IMPDH2: variants seen among roughly 807,000 people sequenced by gnomAD.
The protein encoded by IMPDH2 is inosine-5'-monophosphate dehydrogenase 2.
Under a neutral mutation model 57.8 loss-of-function variants are expected in IMPDH2, and 33 were observed. That is an observed-to-expected ratio of 0.57 (90% confidence interval 0.43 to 0.76). The LOEUF (loss-of-function observed/expected upper bound fraction) is 0.76, where lower values mean the gene tolerates loss of function less well. Among genes scored for constraint, IMPDH2 ranks in the 30% least tolerant of loss-of-function variants. IMPDH2 has a pLI of 0.00. For missense variants in IMPDH2, 446 were observed against 659.1 expected (o/e 0.68, Z 3.54); for synonymous variants, 270 against 241.3 (o/e 1.12, Z -1.10).
chr3:49,029,054 T>G (rs2093212815), intron 1 of IMPDH2, 199 bp downstream of exon 1: 3 of 644,326 alleles, frequency 4.7e-6, no homozygotes, highest in Non-Finnish European at 5.6e-6. Context: ...CGGCCTGAGA[T>G]TCCAAGCACT....
chr3:49,026,116 A>C, intron 9 of IMPDH2: 1 of 678,090 alleles, frequency 1.5e-6, no homozygotes, highest in Non-Finnish European at 2.7e-6. Context: ...GAGCAGGAGC[A>C]AGAAGGCCAG....
At chr3:49,028,080 C>T (rs1448325724) in intron 4 of IMPDH2, 164 bp from the exon 5 acceptor site, 1 of 780,322 alleles carries the variant, frequency 1.3e-6, no homozygotes. Context: ...GCACTGTACA[C>T]CTGGTCTATT....
rs2093190335 is a variant in IMPDH2, at chr3:49,024,786, T to C, written c.1312A>G (p.Lys438Glu). The C allele has an allele frequency of 2.5e-6, 4 of 1,614,152 alleles. No individual in the cohort carries two copies. Among genetic ancestry groups the C allele is most frequent in the Non-Finnish European group, 3.4e-6 (4 of 1,180,022 alleles). Residue 438 changes from lysine (K) to glutamate (E), a missense_variant, in exon 12 of 14, where the codon AAA (lysine) becomes GAA (glutamate). Lys to Glu is a moderately conservative substitution (Grantham distance 56, BLOSUM62 1). Transcript: ENST00000326739. The part of the protein sequence containing the change: ...NRYFSEADKI[K>E]VAQGVSGAVQ... ...GCACCAGACACTCCCTGGGCCACTTTGATTTTGTCAGCTTCACTGCAGGGA... is the reference window on the plus strand; with the variant it reads ...GCACCAGACACTCCCTGGGCCACTTCGATTTTGTCAGCTTCACTGCAGGGA...
Position 49,029,387 on chromosome 3 carries a change from C to G in IMPDH2, c.-37G>C. 1 of 1,424,388 alleles carries G rather than the reference C, an allele frequency of 7.0e-7. No homozygotes were observed. The highest frequency in any genetic ancestry group is 1.7e-4 in the Middle Eastern group (1 of 5,736). The allele number at this position is 1,424,388 out of a possible 1,614,324, so 88.2% of individuals were successfully genotyped here. A position where few individuals can be genotyped will look rare whatever the true frequency, so the allele number is the denominator to read the frequency against. On this transcript the variant is annotated 5_prime_UTR_variant, in exon 1 of 14. Coordinates refer to ENST00000326739, the MANE Select transcript of IMPDH2 (RefSeq NM_000884.3). Reference sequence around the variant, plus strand: ...GACACCGCCGCGTGTCTCCGAGGACCGCGCCGCAGAGACCTCTGCCGTCTG... The same window carrying G: ...GACACCGCCGCGTGTCTCCGAGGACGGCGCCGCAGAGACCTCTGCCGTCTG...
chr3:49,029,119 C>A (rs2093213401), intron 1 of IMPDH2, 134 bp downstream of exon 1: 4 of 738,958 alleles, frequency 5.4e-6, no homozygotes, highest in Non-Finnish European at 9.5e-6. Flanking sequence ...AAAGTGAGCC[C>A]CGGAGGTGGG....
At chr3:49,024,830 A>G in intron 11 of IMPDH2, 28 bp from the exon 12 acceptor site, 2 of 1,614,104 alleles carry the variant, frequency 1.2e-6, no homozygotes, top group Non-Finnish European at 1.7e-6. Flanking sequence ...GACACGGGCA[A>G]GGTCACAGCA....
At chr3:49,026,151 T>C in intron 9 of IMPDH2, 173 bp downstream of exon 9, 1 of 693,632 alleles carries the variant, frequency 1.4e-6, no homozygotes, top group Admixed American at 2.0e-5. Context: ...TGGCAGGTGA[T>C]GGATGACAAG....
intron 9 of IMPDH2, among the ~76,000 whole-genome samples, chr3:49,025,748 C>T (rs2093195770): frequency 6.6e-6 from 1 of 152,196 alleles, no homozygotes; most frequent in Non-Finnish European, 1.5e-5. Flanking sequence ...GAGTTGGTCC[C>T]TGAACTATGC....
rs756784308 is a variant in IMPDH2, at chr3:49,027,726, T to A, written c.515A>T (p.Asp172Val). The change falls in exon 5 of 14, where the codon GAC becomes GTC. Residue 172 changes from aspartate to valine, a missense_variant. Transcript: ENST00000326739. ...GGCACCCACCTCTTCCAAGAAACAG[T>A]CATGTTCCTCCTCTTTGAGAAAATC... ...DIDFLKEEEH[D>V]CFLEEIMTKR... The A allele has an allele frequency of 6.2e-7, 1 of 1,614,104 alleles. No individual in the cohort carries two copies.
chr3:49,026,965 T>C lies in IMPDH2; in HGVS notation c.614A>G (p.Lys205Arg), dbSNP rs140737786. ...KEANEILQRS[K>R]KGKLPIVNED... Reference sequence around the variant, plus strand: ...TTCCCAGCTCTAGGACTTACCCTTCTTGCTGCGCTGCAGAATTTCATTTGC... The same window carrying C: ...TTCCCAGCTCTAGGACTTACCCTTCCTGCTGCGCTGCAGAATTTCATTTGC... Residue 205 changes from lysine to arginine, a missense_variant, in exon 6 of 14, where the codon AAG (lysine) becomes AGG (arginine). By Grantham distance (26) the Lys-to-Arg change is conservative. Transcript: ENST00000326739. 3.5e-4 allele frequency: 562 copies of C among 1,613,946 alleles called. No individual in the cohort carries two copies. Among genetic ancestry groups the C allele is most frequent in the Non-Finnish European group, 4.7e-4 (555 of 1,179,874 alleles).
chr3:49,025,290 A>T (rs760262994), intron 9 of IMPDH2, 21 bp from the exon 10 acceptor site: 1 of 1,614,148 alleles, frequency 6.2e-7, no homozygotes, highest in Non-Finnish European at 8.5e-7. Context: ...GGAGGAACAC[A>T]TGGGTGGATA....
chr3:49,025,291 T>C lies in IMPDH2; in HGVS notation c.1007-22A>G, dbSNP rs779476492. 10 of 1,614,018 alleles carry C rather than the reference T, an allele frequency of 6.2e-6. No individual in the cohort carries two copies. The African/African-American group carries it at 6.7e-5, about 11-fold the overall frequency. ...AGCACTGTTGAGATGGAGGAACACATGGGTGGATAGGGTTAATGGGGACGG... is the reference window on the plus strand; with the variant it reads ...AGCACTGTTGAGATGGAGGAACACACGGGTGGATAGGGTTAATGGGGACGG... On this transcript the variant is annotated intron_variant, in intron 9 of 13. Coordinates refer to ENST00000326739, the MANE Select transcript of IMPDH2 (RefSeq NM_000884.3).
rs147247003 is a variant in IMPDH2, at chr3:49,027,571, C to T, written c.531+139G>A. 2,915 of 704,902 alleles carry T rather than the reference C, an allele frequency of 4.1e-3. 28 individuals carry two copies. The highest frequency in any genetic ancestry group is 0.019 in the East Asian group (747 of 39,084). 43.7% of individuals were successfully genotyped at this position (704,902 alleles called of 1,614,324 possible). ...TCTGGTGGGGAAAGGATGCAGGAACCCAATAAAGGAGTCAGAAACTTGGTT... is the reference window on the plus strand; with the variant it reads ...TCTGGTGGGGAAAGGATGCAGGAACTCAATAAAGGAGTCAGAAACTTGGTT... On this transcript the variant is annotated intron_variant, in intron 5 of 13. Transcript: ENST00000326739.
rs769639124 is a variant in IMPDH2 at position 49,025,335 on chromosome 3, A to C, written c.1007-66T>G. The C allele has an allele frequency of 1.5e-4, 233 of 1,579,826 alleles. 1 individual carries two copies. The Middle Eastern group carries it at 4.6e-3, about 31-fold the overall frequency. ...GGGACGGGCAGTGGACCCTGTGGCC[A>C]TATTTAGGACCCAGGAGCTTTTGGC... On this transcript the variant is annotated intron_variant, in intron 9 of 13. Coordinates refer to ENST00000326739, the MANE Select transcript of IMPDH2 (RefSeq NM_000884.3).
intron 1 of IMPDH2, 144 bp downstream of exon 1, chr3:49,029,109 A>C: frequency 1.4e-6 from 1 of 717,880 alleles, no homozygotes; most frequent in Non-Finnish European, 2.5e-6. Flanking sequence ...CAGATGTCTC[A>C]AAGTGAGCCC....
In IMPDH2 at chr3:49,024,754, C is replaced by T. The variant is rs780307369; in HGVS notation, c.1344G>A (p.Gln448=). ...KVAQGVSGAV[Q]DKGSIHKFVP... ...CAAATTTGTGGATTGACCCTTTGTC[C>T]TGCACAGCACCAGACACTCCCTGGG... is the stretch of plus-strand genomic sequence containing the variant. The change falls in exon 12 of 14, where the codon CAG becomes CAA. Residue 448 remains glutamine, a synonymous_variant. Transcript: ENST00000326739. 72 of 1,614,088 alleles carry T rather than the reference C, an allele frequency of 4.5e-5. No homozygotes were observed. Among genetic ancestry groups the T allele is most frequent in the Non-Finnish European group, 6.0e-5 (71 of 1,180,058 alleles).
intron 9 of IMPDH2, 124 bp from the exon 10 acceptor site, chr3:49,025,393 G>A: frequency 3.0e-6 from 3 of 997,094 alleles, no homozygotes; most frequent in Non-Finnish European, 3.1e-6. Flanking sequence ...CTTGGCTGAG[G>A]AACAGACGTG....
rs147436894 is a variant in IMPDH2, at chr3:49,026,417, C to T, written c.913G>A (p.Val305Ile). 1 of 1,613,346 alleles carries T rather than the reference C, an allele frequency of 6.2e-7. No individual in the cohort carries two copies. The highest frequency in any genetic ancestry group is 1.3e-5 in the African/African-American group (1 of 74,920). Residue 305 changes from valine (V) to isoleucine (I), a missense_variant and splice_region_variant, in exon 9 of 14, where the codon GTC becomes ATC. Transcript: ENST00000326739. ...AGGTTCTTGGCCTGGGCAGCAGTGA[C>T]CACTATGGTGAAGGAAAGGAAAATG... ...PNLQVIGGNV[V>I]TAAQAKNLID... is the part of the protein sequence containing the mutation.
rs750849026 is a variant in IMPDH2 at position 49,028,413 on chromosome 3, A to G, written c.249+18T>C. On this transcript the variant is annotated intron_variant, in intron 3 of 13. Transcript: ENST00000326739. ...CGATGGAGTCCTTGCTCCTTCCCCCACACCCCATGGGGCTCACCGCCATTG... is the reference window on the plus strand; with the variant it reads ...CGATGGAGTCCTTGCTCCTTCCCCCGCACCCCATGGGGCTCACCGCCATTG... 4 of 1,611,176 alleles carry G rather than the reference A, an allele frequency of 2.5e-6. No individual in the cohort carries two copies. Among genetic ancestry groups the G allele is most frequent in the Non-Finnish European group, 3.4e-6 (4 of 1,177,356 alleles).
Sources: allele counts gnomAD v4.1 joint callset (sites outside exome capture counted in the v4.1 genomes callset), GRCh38; gene constraint gnomAD v4.1.1; transcripts MANE v1.5; gene names NCBI Gene and HGNC (gene_info 2026-07-23, HGNC 2026-07-21).